The following APPL1 variants were observed in gnomAD, a reference collection of about 807,000 sequenced individuals.
The protein encoded by APPL1 is DCC-interacting protein 13-alpha.
Under a neutral mutation model 106.8 loss-of-function variants are expected in APPL1, and 42 were observed. The ratio of observed to expected loss-of-function variants is 0.39; its 90% CI spans 0.31 to 0.51. The LOEUF (loss-of-function observed/expected upper bound fraction) is 0.51, where lower values mean the gene tolerates loss of function less well. APPL1 is among the 20% of genes least tolerant of loss of function. APPL1 has a pLI of 0.75. For missense variants in APPL1, 769 were observed against 858.2 expected (o/e 0.90, Z 1.30); for synonymous variants, 263 against 281.8 (o/e 0.93, Z 0.67).
intron 13 of APPL1, among the ~76,000 whole-genome samples, chr3:57,255,461 A>G (rs2060829841): frequency 6.6e-6 from 1 of 152,222 alleles, no homozygotes; most frequent in East Asian, 1.9e-4. Context: ...TCCAGGTTTT[A>G]AACCCAAGGG....
At position 57,259,935 on chromosome 3, in the gene APPL1, T is replaced by C; in HGVS notation, c.1574T>C (p.Met525Thr). 6.2e-7 allele frequency: 1 copy of C among 1,613,922 alleles called. No individual in the cohort carries two copies. The highest frequency in any genetic ancestry group is 8.5e-7 in the Non-Finnish European group (1 of 1,179,982). Reference sequence around the variant, plus strand: ...CATCCAGATGTTGTTTATGAAACTATGCGCCAAATCTTAGCTGCCCGGGCC... The same window carrying C: ...CATCCAGATGTTGTTTATGAAACTACGCGCCAAATCTTAGCTGCCCGGGCC... Reference protein sequence around the residue: ...DDHPDVVYETMRQILAARAIH... With the variant: ...DDHPDVVYETTRQILAARAIH... Residue 525 changes from methionine (M) to threonine (T), a missense_variant, in exon 17 of 22, where the codon ATG becomes ACG. Physicochemically the swap from Met to Thr is moderately conservative, Grantham distance 81 (BLOSUM62 -1). Transcript: ENST00000288266.
chr3:57,251,353 GTC>G (rs1248710822), intron 11 of APPL1, among the ~76,000 whole-genome samples: 1 of 151,126 alleles, frequency 6.6e-6, no homozygotes, highest in Non-Finnish European at 1.5e-5. Context: ...GTGAAATCCA[GTC>G]TCTACTAAAA....
At chr3:57,263,215 A>T (rs1206068071) in intron 19 of APPL1, among the ~76,000 whole-genome samples, 2 of 152,226 alleles carry the variant, frequency 1.3e-5, no homozygotes, top group African/African-American at 2.4e-5. Flanking sequence ...TAATAACCAC[A>T]TCATGGAAAA....
intron 21 of APPL1, 126 bp from the exon 22 acceptor site, chr3:57,269,415 A>C (rs952200032): frequency 3.0e-5 from 26 of 878,502 alleles, no homozygotes; most frequent in Non-Finnish European, 4.2e-5. Flanking sequence ...CTTTTTATCA[A>C]GTTGTCAGAA....
intron 4 of APPL1, among the ~76,000 whole-genome samples, chr3:57,240,009 T>A (rs1181723515): frequency 2.0e-5 from 3 of 152,138 alleles, no homozygotes. Context: ...TTGAAGAAAT[T>A]ATATAGATCC....
At chr3:57,231,454 C>G (rs530928113) in intron 1 of APPL1, among the ~76,000 whole-genome samples, 154 of 151,542 alleles carry the variant, frequency 1.0e-3, no homozygotes, top group African/African-American at 3.4e-3. Flanking sequence ...ATGTGAGCCA[C>G]TGTACCAGGC....
At chr3:57,233,148 T>C (rs2060697215) in intron 1 of APPL1, among the ~76,000 whole-genome samples, 1 of 152,228 alleles carries the variant, frequency 6.6e-6, no homozygotes, top group South Asian at 2.1e-4. Flanking sequence ...TGAAGGTCTG[T>C]TTTCATAAAT....
At chr3:57,250,249 T>C (rs759489328) in intron 11 of APPL1, among the ~76,000 whole-genome samples, 11 of 152,128 alleles carry the variant, frequency 7.2e-5, no homozygotes, top group Non-Finnish European at 1.6e-4. Context: ...CAAGGGATCC[T>C]CCTACCTCAG....
intron 1 of APPL1, among the ~76,000 whole-genome samples, chr3:57,232,725 C>G (rs553490859): frequency 1.3e-5 from 2 of 151,940 alleles, no homozygotes; most frequent in Non-Finnish European, 2.9e-5. Context: ...TTCATGGGCC[C>G]GGTGCGGTGG....
intron 1 of APPL1, chr3:57,230,868 C>T (rs996785412): frequency 3.6e-5 from 13 of 356,574 alleles, no homozygotes; most frequent in South Asian, 8.9e-5. Context: ...CCTGGGCACA[C>T]GCCACCAAGC....
intron 21 of APPL1, chr3:57,268,961 T>C (rs2060915127): frequency 6.5e-6 from 1 of 152,958 alleles, no homozygotes. Flanking sequence ...CATTAAATGA[T>C]CCATGAAATT....
At chr3:57,254,143 G>A (rs1308355393) in intron 13 of APPL1, among the ~76,000 whole-genome samples, 1 of 152,288 alleles carries the variant, frequency 6.6e-6, no homozygotes, top group South Asian at 2.1e-4. Context: ...GATTACAGGC[G>A]TGAGCCACTG....
chr3:57,265,516 A>C (rs1418020706), intron 19 of APPL1, among the ~76,000 whole-genome samples: 1 of 151,918 alleles, frequency 6.6e-6, no homozygotes, highest in African/African-American at 2.4e-5. Flanking sequence ...ATCTGTGGCT[A>C]TTGTAAGTGA....
intron 19 of APPL1, among the ~76,000 whole-genome samples, chr3:57,267,481 G>T (rs2060900625): frequency 6.6e-6 from 1 of 152,172 alleles, no homozygotes. Context: ...TTCCTCGTAG[G>T]CCTTACTGTG....
chr3:57,257,197 A>G, intron 14 of APPL1, 49 bp from the exon 15 acceptor site: 1 of 1,575,352 alleles, frequency 6.3e-7, no homozygotes, highest in Non-Finnish European at 8.6e-7. Context: ...TAAATATTTA[A>G]TATCCAAAAG....
At chr3:57,248,570 T>C (rs747736803) in intron 10 of APPL1, among the ~76,000 whole-genome samples, 6 of 152,152 alleles carry the variant, frequency 3.9e-5, no homozygotes, top group Non-Finnish European at 8.8e-5. Flanking sequence ...TGTAGAATGA[T>C]AAAAGAAGTG....
In APPL1 at chr3:57,240,546, C is replaced by A; in HGVS notation, c.367C>A (p.Leu123Met). ...CATTACCCAGTTTAAAGAAAGAGAT[C>A]TGAAAGGTATTGAAGTCAAGCTTAT... ...FPITQFKERD[L>M]KEILTLKEVF... The change falls in exon 5 of 22, where the codon CTG becomes ATG. Residue 123 changes from leucine to methionine, a missense_variant. Transcript: ENST00000288266. 6.2e-7 allele frequency: 1 copy of A among 1,613,016 alleles called. No individual in the cohort carries two copies. Among genetic ancestry groups the A allele is most frequent in the Non-Finnish European group, 8.5e-7 (1 of 1,179,074 alleles).
chr3:57,246,189 G>A lies in APPL1; in HGVS notation c.588G>A (p.Leu196=), dbSNP rs749610125. The A allele has an allele frequency of 1.4e-5, 23 of 1,609,072 alleles. No homozygotes were observed. Among genetic ancestry groups the A allele is most frequent in the Non-Finnish European group, 1.9e-5 (22 of 1,178,410 alleles). The change falls in exon 8 of 22, where the codon TTG becomes TTA. Residue 196 remains leucine (L), a synonymous_variant. Transcript: ENST00000288266. ...TTCAGTACAAGAAGAAAATAGCATTGTTAGAACCTCTACTTGGGTACATGC... is the reference window on the plus strand; with the variant it reads ...TTCAGTACAAGAAGAAAATAGCATTATTAGAACCTCTACTTGGGTACATGC... ...NTLQYKKKIA[L]LEPLLGYMQA... is the part of the protein sequence containing the mutation.
In APPL1 at chr3:57,268,430, A is replaced by G. The variant is rs183787750; in HGVS notation, c.1926A>G (p.Ile642Met). The change falls in exon 21 of 22, where the codon ATA becomes ATG. Residue 642 changes from isoleucine (I) to methionine (M), a missense_variant. Physicochemically the swap from Ile to Met is conservative, Grantham distance 10. Transcript: ENST00000288266. ...GGGCATCAGAAAAACAAAAAGAAAT[A>G]GAGAGAGTAAAAGAGAAGCAACAGA... is the stretch of plus-strand genomic sequence containing the variant. ...DRRASEKQKE[I>M]ERVKEKQQKE... 1.7e-4 allele frequency: 269 copies of G among 1,599,820 alleles called. 1 individual carries two copies. In the East Asian group the frequency reaches 5.9e-3, roughly 35 times the overall value.
Sources: allele counts gnomAD v4.1 joint callset (sites outside exome capture counted in the v4.1 genomes callset), GRCh38; gene constraint gnomAD v4.1.1; transcripts MANE v1.5; gene names NCBI Gene and HGNC (gene_info 2026-07-23, HGNC 2026-07-21).